CD96: variants seen among roughly 807,000 people sequenced by gnomAD.
CD96 encodes CD96 molecule, also known as T-cell surface protein tactile.
CD96 carries 70 observed loss-of-function variants against 71.3 expected under a neutral mutation model. The observed-to-expected ratio is 0.98, with a 90% CI of 0.81 to 1.20. The LOEUF (loss-of-function observed/expected upper bound fraction) is 1.20, where lower values mean the gene tolerates loss of function less well. Among genes scored for constraint, CD96 ranks in the 50% most tolerant of loss-of-function variants. The probability of loss-of-function intolerance (pLI) is 0.00; values close to 1 mark genes in which losing one functional copy is unlikely to be tolerated. For synonymous variants in CD96, 248 were observed against 233.0 expected (o/e 1.06, Z -0.59); for missense variants, 742 against 677.5 (o/e 1.10, Z -1.06).
intron 8 of CD96, among the ~76,000 whole-genome samples, chr3:111,618,584 T>C (rs944643066): frequency 8.4e-5 from 9 of 107,522 alleles, no homozygotes; most frequent in Middle Eastern, 4.5e-3. Context: ...ATTTCTCTCT[T>C]TTTTTTTTTT....
chr3:111,565,223 G>C (rs1935650498), intron 2 of CD96, among the ~76,000 whole-genome samples: 1 of 152,130 alleles, frequency 6.6e-6, no homozygotes, highest in Non-Finnish European at 1.5e-5. Flanking sequence ...CTCTGTTTCT[G>C]CACAGTTACT....
chr3:111,662,657 C>T (rs1323711905), intron 14 of CD96, among the ~76,000 whole-genome samples: 1 of 152,208 alleles, frequency 6.6e-6, no homozygotes, highest in Admixed American at 6.5e-5. Flanking sequence ...AGGCAAAATG[C>T]CACCAGTCTC....
intron 7 of CD96, among the ~76,000 whole-genome samples, chr3:111,604,718 A>T (rs1308061064): frequency 6.6e-6 from 1 of 152,208 alleles, no homozygotes. Flanking sequence ...GTGGAAACTG[A>T]GCATAACGCA....
intron 10 of CD96, among the ~76,000 whole-genome samples, chr3:111,629,005 T>C (rs935528636): frequency 1.3e-5 from 2 of 152,138 alleles, no homozygotes; most frequent in Admixed American, 6.6e-5. Flanking sequence ...GAAGAGGTCC[T>C]GAAGGAAGCA....
intron 1 of CD96, among the ~76,000 whole-genome samples, chr3:111,544,723 C>G (rs1934296035): frequency 6.6e-6 from 1 of 152,168 alleles, no homozygotes; most frequent in Non-Finnish European, 1.5e-5. Context: ...ACTAAGTTTG[C>G]TGGTGTGCTT....
At chr3:111,665,711 T>C (rs1027692882) in exon 15 of CD96, 4 of 152,246 alleles carry the variant, frequency 2.6e-5, no homozygotes, top group African/African-American at 9.6e-5. Context: ...CATTCCTCCC[T>C]CAAACCCTTG....
At chr3:111,562,480 T>C (rs947614972) in intron 2 of CD96, among the ~76,000 whole-genome samples, 10 of 152,244 alleles carry the variant, frequency 6.6e-5, no homozygotes, top group African/African-American at 2.4e-4. Context: ...TAGTAACTTA[T>C]CTGTGCTTAA....
intron 2 of CD96, among the ~76,000 whole-genome samples, chr3:111,559,096 C>G (rs1269674050): frequency 2.6e-5 from 4 of 151,408 alleles, no homozygotes; most frequent in Non-Finnish European, 4.4e-5. Context: ...ATTCTTCTCT[C>G]TTTTTTTCTT....
chr3:111,589,852 T>C (rs996555116), intron 5 of CD96, among the ~76,000 whole-genome samples: 5 of 152,236 alleles, frequency 3.3e-5, no homozygotes, highest in Non-Finnish European at 7.3e-5. Context: ...TGTCAAATTC[T>C]AATTCAACTA....
At chr3:111,583,219 C>G (rs1052438536) in intron 4 of CD96, among the ~76,000 whole-genome samples, 11 of 152,220 alleles carry the variant, frequency 7.2e-5, no homozygotes, top group Admixed American at 5.2e-4. Context: ...CCAAAATGAT[C>G]TCCTTTGACT....
chr3:111,614,970 G>C lies in CD96; in HGVS notation c.1180+8178G>C, dbSNP rs558359031. Among the ~76,000 whole-genome samples the C allele has an allele frequency of 7.2e-5, 11 of 152,226 alleles. No individual in the cohort carries two copies. In the South Asian group the frequency reaches 1.9e-3, roughly 26 times the overall value. On this transcript the variant is annotated intron_variant, in intron 8 of 13. Coordinates refer to ENST00000352690, the MANE Select transcript of CD96 (RefSeq NM_005816.5). ...CTCTTAGCCAGTCTGCTCCCACCCC[G>C]TCACACAGCTTTGAGGTTGATGATG...
intron 8 of CD96, among the ~76,000 whole-genome samples, chr3:111,621,015 G>A (rs1194171279): frequency 6.6e-6 from 1 of 152,160 alleles, no homozygotes; most frequent in Non-Finnish European, 1.5e-5. Flanking sequence ...TACTTCATCA[G>A]GATTCCTGTG....
chr3:111,649,924 G>T lies in CD96; in HGVS notation c.*118G>T. 1.3e-6 allele frequency: 1 copy of T among 755,132 alleles called. No individual in the cohort carries two copies. Among genetic ancestry groups the T allele is most frequent in the Non-Finnish European group, 2.4e-6 (1 of 425,148 alleles). The allele number at this position is 755,132 out of a possible 1,614,324, so 46.8% of individuals were successfully genotyped here. A position where few individuals can be genotyped will look rare whatever the true frequency, so the allele number is the denominator to read the frequency against. On this transcript the variant is annotated 3_prime_UTR_variant, in exon 14 of 14. Transcript: ENST00000352690. ...TGCCTTTGCTGCAGCTGAAATGGAAGTCAGAAGTGAGTGACCTGTTTTCCC... is the reference window on the plus strand; with the variant it reads ...TGCCTTTGCTGCAGCTGAAATGGAATTCAGAAGTGAGTGACCTGTTTTCCC...
At chr3:111,630,659 G>C (rs1939014370) in intron 10 of CD96, among the ~76,000 whole-genome samples, 1 of 152,170 alleles carries the variant, frequency 6.6e-6, no homozygotes, top group African/African-American at 2.4e-5. Context: ...CTCATTCCAT[G>C]AGGCCAGCAT....
At chr3:111,552,700 C>T (rs1186395570) in intron 2 of CD96, among the ~76,000 whole-genome samples, 2 of 152,094 alleles carry the variant, frequency 1.3e-5, no homozygotes. Context: ...ATTTGGCCCA[C>T]AGGCCAAGGT....
At position 111,589,096 on chromosome 3, in the gene CD96, G is replaced by A. The variant is rs1000072551; in HGVS notation, c.807+3718G>A. 4.0e-5 allele frequency among the ~76,000 whole-genome samples: 6 copies of A among 151,596 alleles called. No homozygotes were observed. The South Asian group carries it at 8.3e-4, about 21-fold the overall frequency. ...CTCCTGAGTAGCTGGGATTACAGGCGCCTGCCACCATGCCTGGCTAATTTT... is the reference window on the plus strand; with the variant it reads ...CTCCTGAGTAGCTGGGATTACAGGCACCTGCCACCATGCCTGGCTAATTTT... On this transcript the variant is annotated intron_variant, in intron 5 of 13. Coordinates refer to ENST00000352690, the MANE Select transcript of CD96 (RefSeq NM_005816.5).
At chr3:111,662,722 T>C (rs1433439599) in intron 14 of CD96, among the ~76,000 whole-genome samples, 2 of 152,214 alleles carry the variant, frequency 1.3e-5, no homozygotes, top group Non-Finnish European at 2.9e-5. Context: ...AAGTTCCACA[T>C]CTCCATCTGA....
At chr3:111,643,815 C>A (rs1939705634) in intron 12 of CD96, among the ~76,000 whole-genome samples, 1 of 148,826 alleles carries the variant, frequency 6.7e-6, no homozygotes, top group Non-Finnish European at 1.5e-5. Context: ...AACTACAAAA[C>A]ACTGCTGAGA....
intron 8 of CD96, among the ~76,000 whole-genome samples, chr3:111,622,199 G>A (rs1192915402): frequency 1.3e-5 from 2 of 152,180 alleles, no homozygotes; most frequent in Non-Finnish European, 2.9e-5. Flanking sequence ...CAGGCCTGGG[G>A]AAGAAAGAAT....
Sources: gnomAD v4.1 joint callset for allele counts (sites outside exome capture counted in the v4.1 genomes callset) on GRCh38, gnomAD v4.1.1 for gene constraint, MANE v1.5 for transcripts, NCBI Gene and HGNC (gene_info 2026-07-23, HGNC 2026-07-21) for gene names.